Variants in PCDH11X observed in about 807,000 individuals in gnomAD.
The protein encoded by PCDH11X is protocadherin 11 X-linked.
A neutral mutation model predicts 53.3 loss-of-function variants in PCDH11X; 18 were observed. That is an observed-to-expected ratio of 0.34 (90% confidence interval 0.23 to 0.50). The LOEUF (loss-of-function observed/expected upper bound fraction) is 0.50, where lower values mean the gene tolerates loss of function less well. PCDH11X is among the 20% of genes least tolerant of loss of function. The pLI, the probability that PCDH11X is intolerant of heterozygous loss-of-function variation, is 0.98. For missense variants in PCDH11X, 570 were observed against 1,032.4 expected (o/e 0.55, Z 6.14); for synonymous variants, 279 against 393.3 (o/e 0.71, Z 3.44).
chrX:92,398,482 ATTTC>A (rs1229025118), intron 9 of PCDH11X, among the ~76,000 whole-genome samples: 8 of 112,123 alleles, frequency 7.1e-5, no homozygotes, highest in African/African-American at 2.6e-4. Context: ...AAGACCATGA[ATTTC>A]TTTGTCTGCT....
chrX:92,361,867 G>A (rs1449265586), intron 8 of PCDH11X, among the ~76,000 whole-genome samples: 2 of 109,597 alleles, frequency 1.8e-5, no homozygotes, highest in African/African-American at 3.3e-5. Context: ...TTTACTTTAC[G>A]TTTGTATTAA....
At chrX:92,221,278 A>AACACACACACACACAC (rs58264678) in intron 7 of PCDH11X, among the ~76,000 whole-genome samples, 2 of 88,035 alleles carry the variant, frequency 2.3e-5, no homozygotes, top group Admixed American at 1.4e-4. Context: ...CATTGTATAC[A>AACACACACACACACAC]ACACACACAC....
At chrX:91,957,133 G>T (rs1043223796) in intron 6 of PCDH11X, among the ~76,000 whole-genome samples, 3 of 111,017 alleles carry the variant, frequency 2.7e-5, no homozygotes, top group African/African-American at 9.9e-5. Flanking sequence ...CTCTAAACTA[G>T]CTATTCTGGC....
intron 8 of PCDH11X, among the ~76,000 whole-genome samples, chrX:92,367,199 A>G (rs371919204): frequency 1.6e-3 from 182 of 111,568 alleles, no homozygotes; most frequent in African/African-American, 5.5e-3. Context: ...ATTTATATTT[A>G]GGATAGTTAA....
chrX:92,606,835 G>T (rs919890694), intron 10 of PCDH11X, among the ~76,000 whole-genome samples: 2 of 111,397 alleles, frequency 1.8e-5, no homozygotes, highest in African/African-American at 3.3e-5. Flanking sequence ...TAATGCAAAA[G>T]ATATAATTTT....
At chrX:92,567,211 T>G (rs910236259) in intron 10 of PCDH11X, among the ~76,000 whole-genome samples, 5 of 105,687 alleles carry the variant, frequency 4.7e-5, no homozygotes, top group Non-Finnish European at 9.8e-5. Flanking sequence ...AATAAATTAT[T>G]TGGGGCAGTA....
chrX:92,579,308 G>A (rs1380203112), intron 10 of PCDH11X, among the ~76,000 whole-genome samples: 4 of 110,096 alleles, frequency 3.6e-5, no homozygotes, highest in Non-Finnish European at 5.7e-5. Flanking sequence ...CTAGGTTGGG[G>A]AAGTTCTTCT....
chrX:91,988,802 T>G (rs185772960), intron 6 of PCDH11X, among the ~76,000 whole-genome samples: 63 of 111,674 alleles, frequency 5.6e-4, no homozygotes, highest in African/African-American at 1.9e-3. Flanking sequence ...GATCCGGAAC[T>G]CAATACAATC....
At chrX:92,248,477 T>C (rs1161136858) in intron 7 of PCDH11X, among the ~76,000 whole-genome samples, 1 of 111,197 alleles carries the variant, frequency 9.0e-6, no homozygotes. Context: ...TACATACTTA[T>C]GGGGTACATG....
intron 6 of PCDH11X, among the ~76,000 whole-genome samples, chrX:92,121,795 G>C (rs1178847281): frequency 9.3e-6 from 1 of 107,992 alleles, no homozygotes; most frequent in Non-Finnish European, 1.9e-5. Flanking sequence ...GCGCGATCTC[G>C]GCTCACTGCA....
intron 7 of PCDH11X, among the ~76,000 whole-genome samples, chrX:92,259,341 T>C (rs2067664809): frequency 9.0e-6 from 1 of 111,574 alleles, no homozygotes; most frequent in African/African-American, 3.3e-5. Flanking sequence ...CTCACAGTTA[T>C]GAAAGCTGTA....
In PCDH11X at chrX:92,589,575, C is replaced by T. The variant is rs188799134; in HGVS notation, c.3368-28689C>T. 7.2e-5 allele frequency among the ~76,000 whole-genome samples: 8 copies of T among 111,043 alleles called. No individual in the cohort carries two copies. In the East Asian group the frequency reaches 1.1e-3, roughly 16 times the overall value. ...CGCAAGCCTCATGGTAATCTCAAACCGAAAAACATACAATGGATACACAAA... is the reference window on the plus strand; with the variant it reads ...CGCAAGCCTCATGGTAATCTCAAACTGAAAAACATACAATGGATACACAAA... On this transcript the variant is annotated intron_variant, in intron 10 of 10. Transcript: ENST00000682573.
intron 6 of PCDH11X, among the ~76,000 whole-genome samples, chrX:92,104,936 G>T (rs192772209): frequency 0.021 from 2,330 of 110,845 alleles, 62 homozygotes; most frequent in African/African-American, 0.073. Context: ...TAAGGGTGAA[G>T]GAGAAGGGGT....
chrX:92,425,729 AG>A (rs1448057069), intron 9 of PCDH11X, among the ~76,000 whole-genome samples: 1 of 82,831 alleles, frequency 1.2e-5, no homozygotes, highest in Non-Finnish European at 2.3e-5. Flanking sequence ...GAAGATGAAA[AG>A]TCTGGGTATT....
intron 6 of PCDH11X, among the ~76,000 whole-genome samples, chrX:92,086,662 T>C (rs1293933894): frequency 9.0e-6 from 1 of 111,445 alleles, no homozygotes; most frequent in Admixed American, 9.6e-5. Flanking sequence ...CCCTTGTATT[T>C]CATATTTTAT....
At chrX:92,420,858 C>T (rs753293346) in intron 9 of PCDH11X, among the ~76,000 whole-genome samples, 4 of 110,772 alleles carry the variant, frequency 3.6e-5, no homozygotes, top group Non-Finnish European at 5.7e-5. Flanking sequence ...AGTTTTTGGT[C>T]CTAATTTCTT....
chrX:91,848,953 T>C (rs917010720), intron 5 of PCDH11X, among the ~76,000 whole-genome samples: 2 of 110,549 alleles, frequency 1.8e-5, no homozygotes, highest in Non-Finnish European at 3.8e-5. Context: ...GAAGTAATTT[T>C]ATGAATTACT....
intron 10 of PCDH11X, among the ~76,000 whole-genome samples, chrX:92,522,864 G>A (rs1603355686): frequency 9.0e-6 from 1 of 111,553 alleles, no homozygotes; most frequent in South Asian, 3.7e-4. Flanking sequence ...AAAAATCAAG[G>A]CCAAGTCAGT....
At chrX:92,358,139 G>A in intron 8 of PCDH11X, among the ~76,000 whole-genome samples, 1 of 104,752 alleles carries the variant, frequency 9.5e-6, no homozygotes, top group Non-Finnish European at 2.0e-5. Context: ...ATGTCTATAA[G>A]CAAACAGTTG....
Sources: gnomAD v4.1 joint callset for allele counts (sites outside exome capture counted in the v4.1 genomes callset) on GRCh38, gnomAD v4.1.1 for gene constraint, MANE v1.5 for transcripts, NCBI Gene and HGNC (gene_info 2026-07-23, HGNC 2026-07-21) for gene names.